Variants in NTN4 observed in about 807,000 individuals in gnomAD.
The protein encoded by NTN4 is netrin-4.
NTN4 carries 32 observed loss-of-function variants against 73.6 expected under a neutral mutation model. That is an observed-to-expected ratio of 0.44 (90% CI 0.33 to 0.58). The LOEUF (loss-of-function observed/expected upper bound fraction) is 0.58. NTN4 is among the 20% of genes least tolerant of loss of function. NTN4 has a pLI of 0.04. For missense variants in NTN4, 654 were observed against 798.3 expected (o/e 0.82, Z 2.18); for synonymous variants, 258 against 287.5 (o/e 0.90, Z 1.04).
chr12:95,660,894 C>T (rs10859919), intron 9 of NTN4, among the ~76,000 whole-genome samples: 71,363 of 151,896 alleles, frequency 0.47, 17,112 homozygotes, highest in African/African-American at 0.56. Flanking sequence ...CCATACAGGC[C>T]TCTTGGAAAA....
At chr12:95,677,749 T>C (rs2078283797) in intron 7 of NTN4, among the ~76,000 whole-genome samples, 1 of 152,230 alleles carries the variant, frequency 6.6e-6, no homozygotes, top group African/African-American at 2.4e-5. Context: ...GAGTGTAAAC[T>C]AGTTCAACCA....
intron 2 of NTN4, among the ~76,000 whole-genome samples, chr12:95,785,272 G>T (rs1040686436): frequency 5.3e-5 from 8 of 152,226 alleles, no homozygotes; most frequent in Non-Finnish European, 7.3e-5. Flanking sequence ...GATGTAAGGA[G>T]CCAATATGAG....
chr12:95,670,806 G>A (rs962741399), intron 7 of NTN4, among the ~76,000 whole-genome samples: 2 of 152,078 alleles, frequency 1.3e-5, no homozygotes, highest in Non-Finnish European at 2.9e-5. Context: ...AAAACTTCTT[G>A]GATCAAGAAG....
At chr12:95,678,211 G>T (rs938733635) in intron 7 of NTN4, among the ~76,000 whole-genome samples, 1 of 151,682 alleles carries the variant, frequency 6.6e-6, no homozygotes, top group Admixed American at 6.6e-5. Context: ...AGGGGAGGGA[G>T]AGCATTAGGA....
chr12:95,665,993 A>T lies in NTN4; in HGVS notation c.1580-13T>A. 1 of 1,572,480 alleles carries T rather than the reference A, an allele frequency of 6.4e-7. No individual in the cohort carries two copies. The highest frequency in any genetic ancestry group is 1.2e-5 in the South Asian group (1 of 86,262). On this transcript the variant is annotated splice_polypyrimidine_tract_variant and intron_variant, in intron 8 of 9. Transcript: ENST00000343702. ...TTTATTTTTAGCACTGTTAACACAG[A>T]AGTCAAAATGCATAGAATTTCATAT...
At chr12:95,683,196 A>T (rs972341993) in intron 6 of NTN4, among the ~76,000 whole-genome samples, 2 of 152,102 alleles carry the variant, frequency 1.3e-5, no homozygotes, top group African/African-American at 4.8e-5. Flanking sequence ...AGTAGCCGGG[A>T]TTACTGGTGC....
At chr12:95,736,955 C>A (rs7138327) in intron 3 of NTN4, among the ~76,000 whole-genome samples, 58,279 of 152,052 alleles carry the variant, frequency 0.38, 11,670 homozygotes, top group East Asian at 0.66. Flanking sequence ...AATGCAGTAG[C>A]ATATTCTGCA....
chr12:95,768,828 C>A (rs191334451), intron 2 of NTN4, among the ~76,000 whole-genome samples: 1 of 152,158 alleles, frequency 6.6e-6, no homozygotes, highest in East Asian at 1.9e-4. Context: ...AGAGGCATAC[C>A]CACTAAAGAG....
intron 2 of NTN4, among the ~76,000 whole-genome samples, chr12:95,767,571 G>A (rs1450424275): frequency 6.6e-6 from 1 of 152,116 alleles, no homozygotes; most frequent in African/African-American, 2.4e-5. Flanking sequence ...CCAAATAGCT[G>A]CACAAGCTTG....
chr12:95,787,180 T>C lies in NTN4; in HGVS notation c.344A>G (p.Glu115Gly). The stretch of plus-strand genomic sequence containing the variant: ...AGCTTCCAGGTCTAACTGGATCTTT[T>C]CTCTGTGCACATCCTCCGCAGACTG... ...WWQSAEDVHR[E>G]KIQLDLEAEF... The change falls in exon 2 of 10, where the codon GAA (glutamate) becomes GGA (glycine). Residue 115 changes from glutamate to glycine, a missense_variant. By Grantham distance (98) the Glu-to-Gly change is moderately conservative. Coordinates refer to ENST00000343702, the MANE Select transcript of NTN4 (RefSeq NM_021229.4). The C allele has an allele frequency of 6.2e-7, 1 of 1,614,210 alleles. No individual in the cohort carries two copies. Among genetic ancestry groups the C allele is most frequent in the Non-Finnish European group, 8.5e-7 (1 of 1,180,038 alleles).
chr12:95,751,114 T>C (rs2078903786), intron 2 of NTN4, among the ~76,000 whole-genome samples: 1 of 152,160 alleles, frequency 6.6e-6, no homozygotes, highest in African/African-American at 2.4e-5. Context: ...ATTCTCAAAA[T>C]ACATTTTATT....
chr12:95,762,717 C>G (rs1364709842), intron 2 of NTN4, among the ~76,000 whole-genome samples: 2 of 152,160 alleles, frequency 1.3e-5, no homozygotes, highest in Non-Finnish European at 2.9e-5. Flanking sequence ...TGAAATTAGT[C>G]TGTTTCCTTC....
At chr12:95,776,994 G>A (rs2079098251) in intron 2 of NTN4, among the ~76,000 whole-genome samples, 1 of 152,134 alleles carries the variant, frequency 6.6e-6, no homozygotes, top group Admixed American at 6.6e-5. Flanking sequence ...AGAAGAGAGT[G>A]GGGGCAAATA....
intron 2 of NTN4, among the ~76,000 whole-genome samples, chr12:95,745,427 C>T (rs139896493): frequency 6.6e-6 from 1 of 152,074 alleles, no homozygotes; most frequent in Non-Finnish European, 1.5e-5. Flanking sequence ...TCTACAATGT[C>T]TAGTCTACTA....
chr12:95,711,392 C>T (rs1168652221), intron 4 of NTN4, among the ~76,000 whole-genome samples: 1 of 152,174 alleles, frequency 6.6e-6, no homozygotes, highest in Non-Finnish European at 1.5e-5. Flanking sequence ...AATTCCCATT[C>T]CTGATACATC....
chr12:95,751,485 G>A (rs1291971115), intron 2 of NTN4, among the ~76,000 whole-genome samples: 3 of 152,162 alleles, frequency 2.0e-5, no homozygotes, highest in Non-Finnish European at 2.9e-5. Context: ...GCCAAGGAAT[G>A]CCCGCAGCCC....
intron 2 of NTN4, among the ~76,000 whole-genome samples, chr12:95,766,717 A>C (rs2079023474): frequency 6.6e-6 from 1 of 152,214 alleles, no homozygotes; most frequent in African/African-American, 2.4e-5. Flanking sequence ...TGACCTGCGC[A>C]TAATATTCTA....
intron 5 of NTN4, among the ~76,000 whole-genome samples, chr12:95,685,844 ATGAT>A (rs1243577909): frequency 1.3e-5 from 2 of 152,204 alleles, no homozygotes; most frequent in African/African-American, 4.8e-5. Flanking sequence ...TGTCTGGTAC[ATGAT>A]TAATAGTAAA....
rs573347214 is a variant in NTN4, at chr12:95,762,147, A to G, written c.586-24003T>C. ...TGTGTGCCTACTGGGGATTTCCAAA[A>G]TGCAAACTTAGACTAGAATGTACTT... is the stretch of plus-strand genomic sequence containing the variant. On this transcript the variant is annotated intron_variant, in intron 2 of 9. Coordinates refer to ENST00000343702, the MANE Select transcript of NTN4 (RefSeq NM_021229.4). Among the ~76,000 whole-genome samples, 8 of 152,294 alleles carry G rather than the reference A, an allele frequency of 5.3e-5. No individual in the cohort carries two copies. The South Asian group carries it at 1.5e-3, about 28-fold the overall frequency.
Sources: gnomAD v4.1 joint callset for allele counts (sites outside exome capture counted in the v4.1 genomes callset) on GRCh38, gnomAD v4.1.1 for gene constraint, MANE v1.5 for transcripts, NCBI Gene and HGNC (gene_info 2026-07-23, HGNC 2026-07-21) for gene names.